Variants in RASD2 observed in about 807,000 individuals in gnomAD.
RASD2 encodes GTP-binding protein Rhes.
Under a neutral mutation model 15.8 loss-of-function variants are expected in RASD2, and 7 were observed. The observed-to-expected ratio is 0.44, with a 90% CI of 0.25 to 0.83. The LOEUF is 0.83. Among genes scored for constraint, RASD2 ranks in the 40% least tolerant of loss-of-function variants. The pLI is 0.20. For missense variants in RASD2, 274 were observed against 382.8 expected, an observed-to-expected ratio of 0.72 and a Z score of 2.37; for synonymous variants, 155 against 153.6, an observed-to-expected ratio of 1.01 and a Z score of -0.07.
intron 2 of RASD2, among the ~76,000 whole-genome samples, chr22:35,550,007 T>C (rs1176560475): frequency 6.6e-6 from 1 of 152,142 alleles, no homozygotes; most frequent in Admixed American, 6.5e-5. Flanking sequence ...ATGCCTGTAA[T>C]CCCAGCTCTT....
At position 35,551,852 on chromosome 22, in the gene RASD2, G is replaced by A. The variant is rs758416886; in HGVS notation, c.621G>A (p.Gln207=). 3 of 1,614,044 alleles carry A rather than the reference G, an allele frequency of 1.9e-6. No individual in the cohort carries two copies. In the Admixed American group the frequency reaches 5.0e-5, roughly 27 times the overall value. ...CCCTGCATCGCAAGATCTCCGTGCA[G>A]TACGGTGACGCCTTCCACCCCAGGC... ...SPALHRKISV[Q]YGDAFHPRPF... is the part of the protein sequence containing the mutation. Residue 207 remains glutamine, a synonymous_variant, in exon 3 of 3, where the codon CAG becomes CAA. Transcript: ENST00000216127. The surrounding 1 kb of genome is among the most constrained non-coding windows in gnomAD (Gnocchi z 4.9).
At chr22:35,548,125 G>T (rs929635281) in intron 2 of RASD2, among the ~76,000 whole-genome samples, 2 of 152,182 alleles carry the variant, frequency 1.3e-5, no homozygotes, top group African/African-American at 4.8e-5. Flanking sequence ...GGGGGAAGAA[G>T]GGGTGAGTGG....
chr22:35,536,605 G>A (rs897266113), upstream of RASD2, among the ~76,000 whole-genome samples: 8 of 152,326 alleles, frequency 5.3e-5, no homozygotes, highest in South Asian at 2.1e-4. Context: ...GATTACAGGC[G>A]TGAGCCACCA....
At chr22:35,536,261 A>C (rs1934246325), upstream of RASD2, among the ~76,000 whole-genome samples, 1 of 151,900 alleles carries the variant, frequency 6.6e-6, no homozygotes, top group Non-Finnish European at 1.5e-5. Context: ...GGGATGGTGC[A>C]TTCAGCAGGA....
upstream of RASD2, among the ~76,000 whole-genome samples, chr22:35,540,285 T>C (rs1934307341): frequency 6.6e-6 from 1 of 151,684 alleles, no homozygotes; most frequent in Non-Finnish European, 1.5e-5. Flanking sequence ...GACGTCAGCC[T>C]CCGAGGCCCG....
chr22:35,535,984 C>T (rs1472496287), upstream of RASD2, among the ~76,000 whole-genome samples: 1 of 152,126 alleles, frequency 6.6e-6, no homozygotes, highest in Non-Finnish European at 1.5e-5. Context: ...CAGCTGTGCT[C>T]CTGTTGATCT....
chr22:35,537,913 G>T (rs377449883), upstream of RASD2, among the ~76,000 whole-genome samples: 4 of 151,676 alleles, frequency 2.6e-5, no homozygotes, highest in African/African-American at 7.3e-5. Context: ...GGCCTTGTTC[G>T]CTAGGATAAG....
chr22:35,546,699 CA>C (rs1934511586), intron 1 of RASD2, 101 bp from the exon 2 acceptor site: 8 of 1,436,524 alleles, frequency 5.6e-6, no homozygotes, highest in African/African-American at 1.4e-5. Flanking sequence ...TCCCATTTTA[CA>C]GACAGAAAAC....
Position 35,552,365 on chromosome 22 carries a change from C to T in RASD2, c.*333C>T. 3.0e-6 allele frequency: 1 copy of T among 336,770 alleles called. No individual in the cohort carries two copies. The highest frequency in any genetic ancestry group is 5.5e-6 in the Non-Finnish European group (1 of 182,966). 20.9% of individuals were successfully genotyped at this position (336,770 alleles called of 1,614,324 possible). ...GCCAGAGGGGTGAGGATTGCTGCGT[C>T]ATATGGAGCCTCCTGGGACAAGCCT... is the stretch of plus-strand genomic sequence containing the variant. On this transcript the variant is annotated 3_prime_UTR_variant, in exon 3 of 3. Coordinates refer to ENST00000216127, the MANE Select transcript of RASD2 (RefSeq NM_014310.4).
At chr22:35,539,864 GC>G (rs904099307), upstream of RASD2, among the ~76,000 whole-genome samples, 1 of 152,232 alleles carries the variant, frequency 6.6e-6, no homozygotes, top group Non-Finnish European at 1.5e-5. Context: ...CCTAGGTCAA[GC>G]CCCTCATTTA....
At chr22:35,540,658 A>C (rs1279725253), upstream of RASD2, among the ~76,000 whole-genome samples, 1 of 152,114 alleles carries the variant, frequency 6.6e-6, no homozygotes, top group Non-Finnish European at 1.5e-5. Context: ...TGCGGGTGAC[A>C]GTGGGGCATC....
intron 1 of RASD2, among the ~76,000 whole-genome samples, chr22:35,544,432 G>T (rs1394057019): frequency 6.6e-6 from 1 of 152,252 alleles, no homozygotes; most frequent in Non-Finnish European, 1.5e-5. Context: ...CTAGGGGAGG[G>T]CCCTCCTTGG....
intron 2 of RASD2, among the ~76,000 whole-genome samples, chr22:35,548,057 A>C (rs1934561529): frequency 6.6e-6 from 1 of 152,248 alleles, no homozygotes; most frequent in African/African-American, 2.4e-5. Flanking sequence ...CTTTCAGACA[A>C]AGCCATACCA....
At chr22:35,547,819 T>G (rs1934552420) in intron 2 of RASD2, among the ~76,000 whole-genome samples, 1 of 152,212 alleles carries the variant, frequency 6.6e-6, no homozygotes, top group African/African-American at 2.4e-5. Context: ...TTTCACCATG[T>G]TAGCCAGGAT....
In RASD2 at chr22:35,552,351, G is replaced by A; in HGVS notation, c.*319G>A. 2.6e-6 allele frequency: 1 copy of A among 390,144 alleles called. No homozygotes were observed. Among genetic ancestry groups the A allele is most frequent in the Non-Finnish European group, 4.7e-6 (1 of 214,608 alleles). The allele number at this position is 390,144 out of a possible 1,614,324, so 24.2% of individuals were successfully genotyped here. On this transcript the variant is annotated 3_prime_UTR_variant, in exon 3 of 3. Coordinates refer to ENST00000216127, the MANE Select transcript of RASD2 (RefSeq NM_014310.4). Reference sequence around the variant, plus strand: ...GAAGAAATGTTGATGCCAGAGGGGTGAGGATTGCTGCGTCATATGGAGCCT... The same window carrying A: ...GAAGAAATGTTGATGCCAGAGGGGTAAGGATTGCTGCGTCATATGGAGCCT...
intron 1 of RASD2, among the ~76,000 whole-genome samples, chr22:35,546,270 G>A (rs73420916): frequency 0.045 from 6,778 of 152,180 alleles, 470 homozygotes; most frequent in African/African-American, 0.15. Flanking sequence ...GGGCTGAATG[G>A]CCACAGAACC....
At position 35,546,961 on chromosome 22, in the gene RASD2, C is replaced by T. The variant is rs2145873291; in HGVS notation, c.152C>T (p.Thr51Ile). The T allele has an allele frequency of 6.2e-7, 1 of 1,614,120 alleles. No homozygotes were observed. Among genetic ancestry groups the T allele is most frequent in the Middle Eastern group, 1.6e-4 (1 of 6,062 alleles). Residue 51 changes from threonine to isoleucine, a missense_variant, in exon 2 of 3, where the codon ACC becomes ATC. Transcript: ENST00000216127. The part of the protein sequence containing the change: ...NGRFEDQYTP[T>I]IEDFHRKVYN... ...CGCTTTGAGGACCAGTACACACCCA[C>T]CATCGAGGACTTCCACCGTAAGGTA... is the stretch of plus-strand genomic sequence containing the variant.
intron 1 of RASD2, among the ~76,000 whole-genome samples, chr22:35,544,700 C>T (rs1230949268): frequency 2.0e-5 from 3 of 152,186 alleles, no homozygotes; most frequent in Admixed American, 6.5e-5. Context: ...TAGCTAGTCA[C>T]GTAGCCTTCT....
upstream of RASD2, among the ~76,000 whole-genome samples, chr22:35,537,955 T>C (rs973094573): frequency 1.3e-5 from 2 of 151,522 alleles, no homozygotes; most frequent in African/African-American, 4.8e-5. Context: ...ATATCTTTTT[T>C]TTTTTTTTGA....
Sources: gnomAD v4.1 joint callset for allele counts (sites outside exome capture counted in the v4.1 genomes callset) on GRCh38, gnomAD v4.1.1 for gene constraint, Gnocchi (gnomAD v3.1) non-coding constraint, MANE v1.5 for transcripts, NCBI Gene and HGNC (gene_info 2026-07-23, HGNC 2026-07-21) for gene names.